The following CYP7B1 variants were observed in gnomAD, a reference collection of about 807,000 sequenced individuals.
CYP7B1 encodes cytochrome P450 7B1.
In CYP7B1, 29 loss-of-function variants were observed where a neutral mutation model predicts 42.7. The ratio of observed to expected loss-of-function variants is 0.68; its 90% CI spans 0.51 to 0.93. The LOEUF is 0.93. Among genes scored for constraint, CYP7B1 ranks in the 40% least tolerant of loss-of-function variants. The pLI, the probability that CYP7B1 is intolerant of heterozygous loss-of-function variation, is 0.00. For synonymous variants in CYP7B1, 235 were observed against 218.2 expected, an observed-to-expected ratio of 1.08 and a Z score of -0.68; for missense variants, 655 against 600.5, an observed-to-expected ratio of 1.09 and a Z score of -0.95.
chr8:64,699,344 T>A (rs1040853816), intron 1 of CYP7B1, among the ~76,000 whole-genome samples: 6 of 152,158 alleles, frequency 3.9e-5, no homozygotes, highest in Admixed American at 2.0e-4. Context: ...GAGGTTTTTT[T>A]AAAATTATAT....
rs1329425488 is a variant in CYP7B1 at position 64,615,802 on chromosome 8, T to C, written c.739A>G (p.Lys247Glu). ...GCTAACTTTTCTGATGAGAAGCATT[T>C]TATAATTTTCTCTCTAATAGACTTG... ...NVKSIREKII[K>E]CFSSEKLAKM... Residue 247 changes from lysine (K) to glutamate (E), a missense_variant, in exon 3 of 6, where the codon AAA becomes GAA. Coordinates refer to ENST00000310193, the MANE Select transcript of CYP7B1 (RefSeq NM_004820.5). 6.2e-7 allele frequency: 1 copy of C among 1,613,812 alleles called. No homozygotes were observed. The highest frequency in any genetic ancestry group is 8.5e-7 in the Non-Finnish European group (1 of 1,179,778).
downstream of CYP7B1, among the ~76,000 whole-genome samples, chr8:64,587,268 G>A (rs982872433): frequency 6.6e-6 from 1 of 151,976 alleles, no homozygotes; most frequent in Admixed American, 6.6e-5. Context: ...ATCCGCATCC[G>A]GAGGGATTCG....
intron 1 of CYP7B1, among the ~76,000 whole-genome samples, chr8:64,685,156 C>A (rs1279075673): frequency 6.6e-6 from 1 of 152,166 alleles, no homozygotes; most frequent in African/African-American, 2.4e-5. Context: ...CTTTGCCGCC[C>A]CGCCGGCGAG....
chr8:64,735,596 A>G (rs1807475287), intron 1 of CYP7B1, among the ~76,000 whole-genome samples: 2 of 152,212 alleles, frequency 1.3e-5, no homozygotes, highest in South Asian at 4.1e-4. Context: ...ATTTTCATGT[A>G]TACATGAGGT....
intron 4 of CYP7B1, among the ~76,000 whole-genome samples, chr8:64,607,954 T>A (rs1805308499): frequency 6.6e-6 from 1 of 152,220 alleles, no homozygotes; most frequent in Non-Finnish European, 1.5e-5. Flanking sequence ...CAACTGTGAT[T>A]AAGATAAGGC....
intron 1 of CYP7B1, among the ~76,000 whole-genome samples, chr8:64,792,335 C>T (rs1457984837): frequency 6.6e-6 from 1 of 152,062 alleles, no homozygotes; most frequent in Non-Finnish European, 1.5e-5. Flanking sequence ...GGGAAATCGT[C>T]CACCTATCCA....
At chr8:64,709,145 G>C (rs1807043421) in intron 1 of CYP7B1, among the ~76,000 whole-genome samples, 1 of 152,160 alleles carries the variant, frequency 6.6e-6, no homozygotes, top group Non-Finnish European at 1.5e-5. Context: ...TCCTGGGAAG[G>C]GGTGTGTGCT....
At chr8:64,633,872 C>T (rs973259116) in intron 1 of CYP7B1, among the ~76,000 whole-genome samples, 1 of 152,084 alleles carries the variant, frequency 6.6e-6, no homozygotes, top group African/African-American at 2.4e-5. Flanking sequence ...CCATAAGAAA[C>T]AAGAGAGTGT....
At chr8:64,611,112 C>T (rs1409822667) in intron 4 of CYP7B1, among the ~76,000 whole-genome samples, 1 of 152,062 alleles carries the variant, frequency 6.6e-6, no homozygotes, top group Non-Finnish European at 1.5e-5. Flanking sequence ...GCACATCATG[C>T]CTGGCTTTGT....
intron 4 of CYP7B1, among the ~76,000 whole-genome samples, chr8:64,606,639 T>G (rs1233758308): frequency 1.3e-5 from 2 of 152,198 alleles, no homozygotes; most frequent in East Asian, 3.8e-4. Flanking sequence ...TGGGCAAGCA[T>G]ATCTTATGTA....
intron 1 of CYP7B1, among the ~76,000 whole-genome samples, chr8:64,795,337 C>T (rs573549770): frequency 2.6e-5 from 4 of 152,334 alleles, no homozygotes; most frequent in African/African-American, 4.8e-5. Flanking sequence ...CCTCTTTCTC[C>T]GCCAGGCTCA....
In CYP7B1 at chr8:64,690,072, C is replaced by T. The variant is rs562622879; in HGVS notation, c.123-65533G>A. Among the ~76,000 whole-genome samples, 5 of 152,152 alleles carry T rather than the reference C, an allele frequency of 3.3e-5. No individual in the cohort carries two copies. The East Asian group carries it at 9.7e-4, about 29-fold the overall frequency. ...TCAATTATTTTATGCCATCATTTCC[C>T]CATGTTTATGATCAAACATCCTATT... On this transcript the variant is annotated intron_variant, in intron 1 of 5. Transcript: ENST00000310193.
intron 1 of CYP7B1, among the ~76,000 whole-genome samples, chr8:64,719,293 C>T (rs1007648717): frequency 2.0e-5 from 3 of 152,020 alleles, no homozygotes; most frequent in African/African-American, 7.2e-5. Context: ...CATTAAGATC[C>T]CCACAAAGCA....
At chr8:64,686,453 T>G (rs1585855825) in intron 1 of CYP7B1, among the ~76,000 whole-genome samples, 2 of 25,552 alleles carry the variant, frequency 7.8e-5, no homozygotes, top group Admixed American at 3.3e-4. Context: ...GGGAGGGAGG[T>G]TGGGGGGTCA....
intron 1 of CYP7B1, among the ~76,000 whole-genome samples, chr8:64,686,153 C>A (rs1224376939): frequency 1.4e-5 from 1 of 72,326 alleles, no homozygotes; most frequent in Non-Finnish European, 3.0e-5. Context: ...AGGTGAGGGG[C>A]GCCTCTGCCC....
chr8:64,776,312 T>G (rs759652675), intron 1 of CYP7B1, among the ~76,000 whole-genome samples: 4 of 152,182 alleles, frequency 2.6e-5, no homozygotes, highest in African/African-American at 9.7e-5. Flanking sequence ...CTTTTGTTGA[T>G]AATTATCTGT....
At chr8:64,655,096 T>C (rs1372377193) in intron 1 of CYP7B1, among the ~76,000 whole-genome samples, 1 of 152,100 alleles carries the variant, frequency 6.6e-6, no homozygotes, top group Admixed American at 6.6e-5. Context: ...AATACCATCC[T>C]GGACATAGGA....
chr8:64,641,617 T>G (rs2129630976), intron 1 of CYP7B1, among the ~76,000 whole-genome samples: 1 of 152,254 alleles, frequency 6.6e-6, no homozygotes, highest in Admixed American at 6.5e-5. Flanking sequence ...TTCTTAAAGG[T>G]AAATTTTTAA....
intron 1 of CYP7B1, among the ~76,000 whole-genome samples, chr8:64,633,543 A>C (rs1227717469): frequency 6.6e-6 from 1 of 152,202 alleles, no homozygotes; most frequent in Non-Finnish European, 1.5e-5. Context: ...TTAGTGAAAA[A>C]ATTTATTCTT....
Sources: allele counts gnomAD v4.1 joint callset (sites outside exome capture counted in the v4.1 genomes callset), GRCh38; gene constraint gnomAD v4.1.1; transcripts MANE v1.5; gene names NCBI Gene and HGNC (gene_info 2026-07-23, HGNC 2026-07-21).